The following TYW1 variants were observed in gnomAD, a reference collection of about 807,000 sequenced individuals.
The protein encoded by TYW1 is S-adenosyl-L-methionine-dependent tRNA 4-demethylwyosine synthase TYW1.
A neutral mutation model predicts 96.2 loss-of-function variants in TYW1; 46 were observed. The ratio of observed to expected loss-of-function variants is 0.48; its 90% CI spans 0.38 to 0.61. The LOEUF (loss-of-function observed/expected upper bound fraction) is 0.61, where lower values mean the gene tolerates loss of function less well. TYW1 is among the 20% of genes least tolerant of loss of function. The pLI, the probability that TYW1 is intolerant of heterozygous loss-of-function variation, is 0.00. For synonymous variants in TYW1, 274 were observed against 323.0 expected (o/e 0.85, Z 1.63); for missense variants, 684 against 909.6 (o/e 0.75, Z 3.19).
intron 13 of TYW1, among the ~76,000 whole-genome samples, chr7:67,148,568 G>C (rs1798684051): frequency 1.3e-5 from 2 of 151,548 alleles, no homozygotes; most frequent in African/African-American, 4.9e-5. Flanking sequence ...TGGGACTACA[G>C]GCGCCTGCCA....
intron 7 of TYW1, among the ~76,000 whole-genome samples, chr7:67,032,885 C>CTTTTTTTTTTTTTTTTTTTTTTTTTTT (rs778743156): frequency 1.3e-5 from 1 of 76,256 alleles, no homozygotes; most frequent in Non-Finnish European, 2.3e-5. Flanking sequence ...AGAAGTATAC[C>CTTTTTTTTTTTTTTTTTTTTTTTTTTT]TTTTTTTTTT....
chr7:67,026,893 G>C (rs1240013615), intron 7 of TYW1, among the ~76,000 whole-genome samples: 1 of 152,034 alleles, frequency 6.6e-6, no homozygotes, highest in East Asian at 1.9e-4. Flanking sequence ...GTTTAAAAGG[G>C]ACTCTAAAAA....
intron 15 of TYW1, among the ~76,000 whole-genome samples, chr7:67,196,354 A>T (rs1034797568): frequency 6.6e-6 from 1 of 152,036 alleles, no homozygotes. Flanking sequence ...TATGGTTTGT[A>T]TCTGATAATT....
At chr7:67,087,269 C>T (rs1469799614) in intron 11 of TYW1, among the ~76,000 whole-genome samples, 1 of 152,160 alleles carries the variant, frequency 6.6e-6, no homozygotes, top group Admixed American at 6.5e-5. Context: ...GTTGAGGGTC[C>T]TGTCCTGTGC....
intron 12 of TYW1, among the ~76,000 whole-genome samples, chr7:67,100,375 G>A (rs1797048867): frequency 6.6e-6 from 1 of 151,636 alleles, no homozygotes; most frequent in South Asian, 2.1e-4. Flanking sequence ...TCCCCGATTA[G>A]ACTGCAAGTT....
chr7:67,038,898 C>T (rs1794925791), intron 7 of TYW1, among the ~76,000 whole-genome samples: 1 of 152,118 alleles, frequency 6.6e-6, no homozygotes, highest in Admixed American at 6.6e-5. Flanking sequence ...AGCAAGACTC[C>T]ATCTCAAAAG....
chr7:67,100,850 CAAAAAAAAA>C (rs57665696), intron 12 of TYW1, among the ~76,000 whole-genome samples: 3 of 75,624 alleles, frequency 4.0e-5, no homozygotes, highest in South Asian at 5.4e-4. Flanking sequence ...GGCTACAGAG[CAAAAAAAAA>C]AAAAAAAAAA....
intron 8 of TYW1, 99 bp from the exon 9 acceptor site, chr7:67,055,736 T>C (rs752964739): frequency 4.7e-5 from 39 of 826,364 alleles, no homozygotes; most frequent in Non-Finnish European, 6.2e-5. Context: ...TGCAATAATT[T>C]AGCAAAAAAA....
intron 6 of TYW1, among the ~76,000 whole-genome samples, chr7:67,023,915 G>A (rs1336063030): frequency 6.6e-6 from 1 of 152,190 alleles, no homozygotes; most frequent in Non-Finnish European, 1.5e-5. Flanking sequence ...CCTCATCTAT[G>A]AGATGATGTT....
At chr7:67,089,317 T>G in intron 11 of TYW1, 1 of 1,330,488 alleles carries the variant, frequency 7.5e-7, no homozygotes, top group East Asian at 2.3e-5. Flanking sequence ...CCTCTGCCTT[T>G]TGGGAGGGCC....
chr7:67,172,289 A>C (rs1326981687), intron 13 of TYW1, among the ~76,000 whole-genome samples: 1 of 145,140 alleles, frequency 6.9e-6, no homozygotes, highest in Non-Finnish European at 1.6e-5. Flanking sequence ...ATTAAAGTCA[A>C]TGTAAATTAA....
chr7:66,996,962 T>C lies in TYW1; in HGVS notation c.-17T>C, dbSNP rs780567385. ...ATCCAGGTCCGAGATCCTAGTCTCCTGTCGGCTCTGAGGAGGATGGGTAAG... is the reference window on the plus strand; with the variant it reads ...ATCCAGGTCCGAGATCCTAGTCTCCCGTCGGCTCTGAGGAGGATGGGTAAG... On this transcript the variant is annotated 5_prime_UTR_variant, in exon 1 of 16. Coordinates refer to ENST00000359626, the MANE Select transcript of TYW1 (RefSeq NM_018264.4). The C allele has an allele frequency of 1.9e-6, 3 of 1,614,134 alleles. No homozygotes were observed. In the Admixed American group the frequency reaches 5.0e-5, roughly 27 times the overall value.
intron 5 of TYW1, among the ~76,000 whole-genome samples, chr7:67,016,980 ATTTTTTTTT>A (rs35358824): frequency 8.2e-6 from 1 of 121,766 alleles, no homozygotes. Flanking sequence ...AGATATGTAA[ATTTTTTTTT>A]TTTTTTTTTT....
chr7:67,040,232 G>T (rs1354307918), intron 7 of TYW1, among the ~76,000 whole-genome samples: 2 of 152,018 alleles, frequency 1.3e-5, no homozygotes, highest in African/African-American at 4.8e-5. Flanking sequence ...TGCTAGGATA[G>T]CCACCGGGCC....
intron 7 of TYW1, among the ~76,000 whole-genome samples, chr7:67,037,344 A>G (rs1369414846): frequency 3.3e-5 from 5 of 151,798 alleles, no homozygotes; most frequent in Non-Finnish European, 5.9e-5. Context: ...TCTACTAAAT[A>G]AAAAAAAGAA....
chr7:67,030,159 G>A (rs931091484), intron 7 of TYW1, among the ~76,000 whole-genome samples: 17 of 152,128 alleles, frequency 1.1e-4, no homozygotes, highest in African/African-American at 4.1e-4. Context: ...TTAAATCATT[G>A]GGCAGTTGAT....
intron 13 of TYW1, among the ~76,000 whole-genome samples, chr7:67,139,726 C>T: frequency 9.0e-6 from 1 of 110,848 alleles, no homozygotes; most frequent in Non-Finnish European, 1.8e-5. Context: ...CCTGTGTATA[C>T]AGGTGTGTGT....
At chr7:67,101,197 T>C (rs1797078782) in intron 12 of TYW1, among the ~76,000 whole-genome samples, 1 of 152,142 alleles carries the variant, frequency 6.6e-6, no homozygotes, top group Admixed American at 6.5e-5. Flanking sequence ...GCCCACTGTT[T>C]TACTGGGGCC....
intron 13 of TYW1, among the ~76,000 whole-genome samples, chr7:67,133,617 A>C (rs78963156): frequency 3.0e-5 from 3 of 99,786 alleles, no homozygotes; most frequent in African/African-American, 1.6e-4. Flanking sequence ...TCCATCTCAA[A>C]AAAAAAAAAA....
Sources: gnomAD v4.1 joint callset for allele counts (sites outside exome capture counted in the v4.1 genomes callset) on GRCh38, gnomAD v4.1.1 for gene constraint, MANE v1.5 for transcripts, NCBI Gene and HGNC (gene_info 2026-07-23, HGNC 2026-07-21) for gene names.